The following CYFIP2 variants were observed in gnomAD, a reference collection of about 807,000 sequenced individuals.
CYFIP2 encodes cytoplasmic FMR1 interacting protein 2, also known as cytoplasmic FMR1-interacting protein 2.
A neutral mutation model predicts 158.7 loss-of-function variants in CYFIP2; 29 were observed. The observed-to-expected ratio is 0.18, with a 90% CI of 0.14 to 0.25. The LOEUF is 0.25. Among genes scored for constraint, CYFIP2 ranks in the 10% least tolerant of loss-of-function variants. CYFIP2 has a pLI of 1.00. For missense variants in CYFIP2, 852 were observed against 1,639.5 expected (o/e 0.52, Z 8.29); for synonymous variants, 585 against 617.6 (o/e 0.95, Z 0.78).
chr5:157,296,562 C>G, intron 4 of CYFIP2, 111 bp from the exon 5 acceptor site: 3 of 994,892 alleles, frequency 3.0e-6, no homozygotes, highest in South Asian at 2.7e-5. Context: ...CCACTGCACT[C>G]TAGCCTGGAC....
chr5:157,273,358 C>G (rs1756264342), intron 1 of CYFIP2, among the ~76,000 whole-genome samples: 1 of 152,168 alleles, frequency 6.6e-6, no homozygotes, highest in South Asian at 2.1e-4. Flanking sequence ...TGTTCTCATT[C>G]TAAACCTCAG....
At chr5:157,375,261 AC>A (rs1403107610) in intron 26 of CYFIP2, among the ~76,000 whole-genome samples, 1 of 152,180 alleles carries the variant, frequency 6.6e-6, no homozygotes, top group East Asian at 1.9e-4. Flanking sequence ...CTGGTTTATC[AC>A]CCATTTCTTC....
At chr5:157,358,955 G>C in intron 23 of CYFIP2, 50 bp from the exon 24 acceptor site, 1 of 1,611,554 alleles carries the variant, frequency 6.2e-7, no homozygotes, top group Non-Finnish European at 8.5e-7. Context: ...GACTCCACCA[G>C]TGTCCATTCA....
chr5:157,369,886 T>TTTTTG (rs1764817012), intron 26 of CYFIP2, among the ~76,000 whole-genome samples: 2 of 148,830 alleles, frequency 1.3e-5, no homozygotes, highest in Non-Finnish European at 3.0e-5. Context: ...CTAGTTTTTT[T>TTTTTG]TTTTTTTTTT....
At chr5:157,300,140 G>A (rs1412218485) in intron 5 of CYFIP2, among the ~76,000 whole-genome samples, 1 of 152,114 alleles carries the variant, frequency 6.6e-6, no homozygotes. Context: ...CTAGGTGCTG[G>A]GAATGCCAAA....
chr5:157,320,963 A>G (rs946437490), intron 15 of CYFIP2, among the ~76,000 whole-genome samples, 161 bp downstream of exon 15: 10 of 152,178 alleles, frequency 6.6e-5, no homozygotes, highest in African/African-American at 2.4e-4. Flanking sequence ...TTGTTTTGAT[A>G]TAGGAAGGAG....
At chr5:157,299,159 A>G (rs375098074) in intron 5 of CYFIP2, among the ~76,000 whole-genome samples, 1 of 43,908 alleles carries the variant, frequency 2.3e-5, no homozygotes, top group Non-Finnish European at 5.1e-5. Context: ...TCTCACGTCT[A>G]TCTTTGCACC....
At chr5:157,328,355 T>C (rs895274108) in intron 19 of CYFIP2, among the ~76,000 whole-genome samples, 6 of 152,264 alleles carry the variant, frequency 3.9e-5, no homozygotes, top group South Asian at 2.1e-4. Context: ...GTTAAACCTT[T>C]GGGGGCGGGG....
chr5:157,314,789 G>A (rs1040072967), intron 12 of CYFIP2, among the ~76,000 whole-genome samples, 180 bp from the exon 13 acceptor site: 1 of 152,140 alleles, frequency 6.6e-6, no homozygotes, highest in Non-Finnish European at 1.5e-5. Flanking sequence ...CATATGATAT[G>A]TGGTCTTTTG....
At chr5:157,364,438 C>T (rs1209221859) in intron 26 of CYFIP2, 2 of 152,160 alleles carry the variant, frequency 1.3e-5, no homozygotes, top group Non-Finnish European at 2.9e-5. Flanking sequence ...AGAGCTGAGA[C>T]CTGAGACAGA....
chr5:157,325,692 G>T (rs1305993665), intron 17 of CYFIP2, 54 bp downstream of exon 17: 2 of 1,512,036 alleles, frequency 1.3e-6, no homozygotes, highest in Non-Finnish European at 1.8e-6. Flanking sequence ...GTAGAGGGCA[G>T]TTTGCCAGGG....
rs1183249315 is a variant in CYFIP2, at chr5:157,276,490, A to G, written c.-23-8849A>G. On this transcript the variant is annotated intron_variant, in intron 1 of 30. Transcript: ENST00000620254. ...CTGGGATAAATCTCACTTGTTCATG[A>G]TGCATAATCTTTTTTATATGTTTCT... 3.9e-5 allele frequency among the ~76,000 whole-genome samples: 6 copies of G among 152,302 alleles called. No individual in the cohort carries two copies. In the East Asian group the frequency reaches 9.6e-4, roughly 24 times the overall value.
intron 8 of CYFIP2, 174 bp downstream of exon 8, chr5:157,304,540 C>G: frequency 1.5e-6 from 1 of 660,094 alleles, no homozygotes; most frequent in Non-Finnish European, 2.4e-6. Context: ...ATACCGTAGT[C>G]ACCTTTCCAG....
intron 23 of CYFIP2, chr5:157,345,283 T>A (rs1285205352): frequency 6.6e-6 from 1 of 152,406 alleles, no homozygotes; most frequent in African/African-American, 2.4e-5. Flanking sequence ...ACAAATGTTC[T>A]CTTGGCTTCC....
At chr5:157,279,548 TG>T (rs896288326) in intron 1 of CYFIP2, among the ~76,000 whole-genome samples, 6 of 152,094 alleles carry the variant, frequency 3.9e-5, no homozygotes, top group South Asian at 2.1e-4. Flanking sequence ...CATGTCTGCC[TG>T]GGGGGGCACC....
At chr5:157,388,240 C>A (rs1766891786) in intron 28 of CYFIP2, among the ~76,000 whole-genome samples, 1 of 152,164 alleles carries the variant, frequency 6.6e-6, no homozygotes, top group African/African-American at 2.4e-5. Flanking sequence ...CATGTTTTGA[C>A]TCATAACATG....
chr5:157,356,928 C>T (rs1206928784), intron 23 of CYFIP2, among the ~76,000 whole-genome samples: 3 of 152,194 alleles, frequency 2.0e-5, no homozygotes, highest in African/African-American at 4.8e-5. Context: ...ATTTGCTGAA[C>T]ATCAGCTTCA....
rs543188216 is a variant in CYFIP2, at chr5:157,327,515, A to T, written c.2080-458A>T. Reference sequence around the variant, plus strand: ...GGGAGGCGGAGGTTGCAGTGAGCCGAGATCACACCACTGCACTCCAGCCTA... The same window carrying T: ...GGGAGGCGGAGGTTGCAGTGAGCCGTGATCACACCACTGCACTCCAGCCTA... On this transcript the variant is annotated intron_variant, in intron 18 of 30. Transcript: ENST00000620254. Among the ~76,000 whole-genome samples the T allele has an allele frequency of 2.0e-5, 3 of 151,588 alleles. No individual in the cohort carries two copies. The East Asian group carries it at 5.9e-4, about 30-fold the overall frequency.
intron 26 of CYFIP2, among the ~76,000 whole-genome samples, chr5:157,368,583 T>C (rs2113421067): frequency 6.6e-6 from 1 of 152,388 alleles, no homozygotes; most frequent in Non-Finnish European, 1.5e-5. Flanking sequence ...CCATGCTTTG[T>C]GGAATGGAGG....
Sources: gnomAD v4.1 joint callset for allele counts (sites outside exome capture counted in the v4.1 genomes callset) on GRCh38, gnomAD v4.1.1 for gene constraint, MANE v1.5 for transcripts, NCBI Gene and HGNC (gene_info 2026-07-23, HGNC 2026-07-21) for gene names.